SIK2: variants seen among roughly 807,000 people sequenced by gnomAD.
SIK2 encodes serine/threonine-protein kinase SIK2.
Under a neutral mutation model 103.2 loss-of-function variants are expected in SIK2, and 29 were observed. The ratio of observed to expected loss-of-function variants is 0.28; its 90% CI spans 0.21 to 0.38. The LOEUF (loss-of-function observed/expected upper bound fraction) is 0.38, where lower values mean the gene tolerates loss of function less well. Among genes scored for constraint, SIK2 ranks in the 10% least tolerant of loss-of-function variants. The pLI is 1.00. For synonymous variants in SIK2, 412 were observed against 446.1 expected (o/e 0.92, Z 0.96); for missense variants, 879 against 1,171.0 (o/e 0.75, Z 3.64).
intron 1 of SIK2, among the ~76,000 whole-genome samples, chr11:111,607,382 T>C (rs1330896007): frequency 6.6e-6 from 1 of 152,228 alleles, no homozygotes; most frequent in Non-Finnish European, 1.5e-5. Context: ...GGTATTAAAA[T>C]TGCATTTTTA....
chr11:111,645,325 A>G (rs886068719), intron 3 of SIK2, among the ~76,000 whole-genome samples: 4 of 152,234 alleles, frequency 2.6e-5, no homozygotes, highest in African/African-American at 9.6e-5. Context: ...ATGTCCATCA[A>G]CAGTAGAATG....
In SIK2 at chr11:111,722,097, G is replaced by A. The variant is rs1341393255; in HGVS notation, c.2055+157G>A. ...CTCTGTACTTGGAGTTTCTAGAAAC[G>A]TGTTCAGATCTAGCTTTGTGCTGTG... On this transcript the variant is annotated intron_variant, in intron 13 of 14. Transcript: ENST00000304987. This position sits in a 1 kb window ranked among gnomAD's most constrained non-coding sequence, Gnocchi z 4.4. 1.3e-5 allele frequency among the ~76,000 whole-genome samples: 2 copies of A among 152,172 alleles called. No individual in the cohort carries two copies. The highest frequency in any genetic ancestry group is 2.4e-5 in the African/African-American group (1 of 41,442).
At chr11:111,708,006 C>G (rs1444532835) in intron 8 of SIK2, among the ~76,000 whole-genome samples, 1 of 152,154 alleles carries the variant, frequency 6.6e-6, no homozygotes, top group African/African-American at 2.4e-5. Context: ...ACTGACATGC[C>G]AGGCACAGTC....
intron 2 of SIK2, among the ~76,000 whole-genome samples, chr11:111,617,067 T>A (rs923366141): frequency 2.6e-5 from 4 of 152,302 alleles, no homozygotes; most frequent in Admixed American, 2.0e-4. Flanking sequence ...TTGCTTTTTT[T>A]AAAAAATCAA....
chr11:111,715,259 G>C (rs1444920135), intron 9 of SIK2, among the ~76,000 whole-genome samples: 1 of 152,182 alleles, frequency 6.6e-6, no homozygotes, highest in Non-Finnish European at 1.5e-5. Context: ...AAAAACGCTT[G>C]TCCCTCTTCC....
At chr11:111,617,662 T>G (rs1941825411) in intron 2 of SIK2, among the ~76,000 whole-genome samples, 1 of 152,200 alleles carries the variant, frequency 6.6e-6, no homozygotes, top group African/African-American at 2.4e-5. Flanking sequence ...TTCAAATAGA[T>G]TAGCACAAAT....
intron 3 of SIK2, chr11:111,671,345 C>A: frequency 4.3e-6 from 1 of 234,696 alleles, no homozygotes. Flanking sequence ...TCCAGCTCCA[C>A]CAGCTTGGCA....
In SIK2 at chr11:111,663,936, A is replaced by G. The variant is rs148545432; in HGVS notation, c.317-24065A>G. Among the ~76,000 whole-genome samples the G allele has an allele frequency of 1.1e-3, 164 of 152,336 alleles. 1 individual carries two copies. The highest frequency in any genetic ancestry group is 3.7e-3 in the African/African-American group (153 of 41,572). On this transcript the variant is annotated intron_variant, in intron 3 of 14. Transcript: ENST00000304987. ...TAGCTTGCCTGAGATCATACAGCCA[A>G]TAAGTGGTGGCACTGGATTTGAAGC...
chr11:111,694,723 T>C (rs912642262), intron 4 of SIK2, among the ~76,000 whole-genome samples: 1 of 152,232 alleles, frequency 6.6e-6, no homozygotes, highest in African/African-American at 2.4e-5. Context: ...AATGAAACTT[T>C]GTATCCTTAA....
At position 111,723,845 on chromosome 11, in the gene SIK2, C is replaced by A. The variant is rs751303031; in HGVS notation, c.2497C>A (p.Arg833=). ...PPPPPPPPPP[R]QPGAAPAPLQ... is the part of the protein sequence containing the mutation. ...ACCGCCACCACCCCCTCCACCACCACGACAGCCAGGAGCTGCCCCAGCCCC... is the reference window on the plus strand; with the variant it reads ...ACCGCCACCACCCCCTCCACCACCAAGACAGCCAGGAGCTGCCCCAGCCCC... The change falls in exon 15 of 15, where the codon CGA becomes AGA. Residue 833 remains arginine (R), a synonymous_variant. Transcript: ENST00000304987. The A allele has an allele frequency of 1.2e-6, 2 of 1,613,612 alleles. No individual in the cohort carries two copies. Among genetic ancestry groups the A allele is most frequent in the East Asian group, 4.5e-5 (2 of 44,864 alleles).
At chr11:111,628,648 A>G (rs1336497599) in intron 3 of SIK2, among the ~76,000 whole-genome samples, 1 of 151,970 alleles carries the variant, frequency 6.6e-6, no homozygotes, top group African/African-American at 2.4e-5. Flanking sequence ...GCTGGTCTCC[A>G]GCTCCTGGGT....
intron 3 of SIK2, among the ~76,000 whole-genome samples, chr11:111,622,783 T>C (rs1024551096): frequency 6.6e-6 from 1 of 152,206 alleles, no homozygotes; most frequent in Non-Finnish European, 1.5e-5. Context: ...TATCTTTTTC[T>C]TTATTCCTGT....
rs1293854124 is a variant in SIK2 at position 111,722,686 on chromosome 11, G to C, written c.2077G>C (p.Ala693Pro). Residue 693 changes from alanine (A) to proline (P), a missense_variant, in exon 14 of 15, where the codon GCC becomes CCC. Physicochemically the swap from Ala to Pro is conservative, Grantham distance 27. This residue lies in a region of SIK2 where 375 missense variants were observed against 416.3 expected (regional missense o/e 0.90). Coordinates refer to ENST00000304987, the MANE Select transcript of SIK2 (RefSeq NM_015191.3). This position sits in a 1 kb window ranked among gnomAD's most constrained non-coding sequence, Gnocchi z 4.4. ...RLQKPSLLSK[A>P]QNTCQLYCKE... Reference sequence around the variant, plus strand: ...CCAGAAGCCCAGCCTTCTGTCAAAGGCCCAGAACACCTGTCAGCTTTATTG... The same window carrying C: ...CCAGAAGCCCAGCCTTCTGTCAAAGCCCCAGAACACCTGTCAGCTTTATTG... 6.2e-7 allele frequency: 1 copy of C among 1,613,952 alleles called. No individual in the cohort carries two copies. The highest frequency in any genetic ancestry group is 1.3e-5 in the African/African-American group (1 of 74,932).
chr11:111,682,052 G>A (rs1234038261), intron 3 of SIK2, among the ~76,000 whole-genome samples: 1 of 152,132 alleles, frequency 6.6e-6, no homozygotes. Context: ...ATGATATTAG[G>A]AGAAAGATTG....
At chr11:111,622,180 T>C (rs1328825868) in intron 3 of SIK2, among the ~76,000 whole-genome samples, 1 of 151,700 alleles carries the variant, frequency 6.6e-6, no homozygotes, top group Non-Finnish European at 1.5e-5. Context: ...CTACCATTTC[T>C]GCATTCATAT....
At chr11:111,662,597 C>T (rs1942481289) in intron 3 of SIK2, among the ~76,000 whole-genome samples, 1 of 151,724 alleles carries the variant, frequency 6.6e-6, no homozygotes. Context: ...AAAAATTAGG[C>T]CCAGCACAGT....
At chr11:111,675,990 A>C (rs1428559447) in intron 3 of SIK2, among the ~76,000 whole-genome samples, 1 of 152,052 alleles carries the variant, frequency 6.6e-6, no homozygotes, top group African/African-American at 2.4e-5. Context: ...TTTAGCTCCT[A>C]CTTAGAAGTG....
chr11:111,655,585 AG>A (rs1942381347), intron 3 of SIK2, among the ~76,000 whole-genome samples: 1 of 152,142 alleles, frequency 6.6e-6, no homozygotes, highest in South Asian at 2.1e-4. Context: ...GTTTATACAG[AG>A]GCTTTGACAA....
Position 111,666,479 on chromosome 11 carries a change from A to G in SIK2, c.317-21522A>G, listed in dbSNP as rs186790493. 1.2e-3 allele frequency among the ~76,000 whole-genome samples: 190 copies of G among 152,336 alleles called. 2 individuals are homozygous for G. Among genetic ancestry groups the G allele is most frequent in the African/African-American group, 4.4e-3 (182 of 41,578 alleles). On this transcript the variant is annotated intron_variant, in intron 3 of 14. Transcript: ENST00000304987. ...TTATACAGATAGTTTGTAAAAGCTG[A>G]AGGTAAGTTTAGGCTGTTGCTAGCC...
Sources: allele counts gnomAD v4.1 joint callset (sites outside exome capture counted in the v4.1 genomes callset), GRCh38; gene constraint gnomAD v4.1.1; regional missense constraint gnomAD v4.1.1; non-coding constraint Gnocchi (gnomAD v3.1); transcripts MANE v1.5; gene names NCBI Gene and HGNC (gene_info 2026-07-23, HGNC 2026-07-21).